TFB1M: variants seen among roughly 807,000 people sequenced by gnomAD.
TFB1M encodes the protein dimethyladenosine transferase 1, mitochondrial.
TFB1M carries 27 observed loss-of-function variants against 31.1 expected under a neutral mutation model. The observed-to-expected ratio is 0.87, with a 90% CI of 0.64 to 1.20. TFB1M has a LOEUF of 1.20. Among genes scored for constraint, TFB1M ranks in the 50% most tolerant of loss-of-function variants. TFB1M has a pLI of 0.00. For missense variants in TFB1M, 394 were observed against 418.7 expected (o/e 0.94, Z 0.51); for synonymous variants, 166 against 151.8 (o/e 1.09, Z -0.69).
At chr6:155,268,951 AAAAAAAAAAGAAAAAAG>A (rs1199920812) in intron 5 of TFB1M, among the ~76,000 whole-genome samples, 3 of 144,756 alleles carry the variant, frequency 2.1e-5, no homozygotes, top group Non-Finnish European at 4.5e-5. Flanking sequence ...TCAATTAAAA[AAAAAAAAAAGAAAAAAG>A]AAAAAAAATT....
intron 4 of TFB1M, among the ~76,000 whole-genome samples, chr6:155,286,407 T>G (rs1776629247): frequency 6.6e-6 from 1 of 151,292 alleles, no homozygotes. Flanking sequence ...TGTATATACA[T>G]CTTTCTAAAA....
the TFB1M span, chr6:155,244,795 A>T: frequency 6.3e-7 from 1 of 1,594,426 alleles, no homozygotes; most frequent in Non-Finnish European, 8.5e-7. Flanking sequence ...TAAGTATCTC[A>T]GATTTAGGCT....
At chr6:155,242,392 A>C in the TFB1M span, among the ~76,000 whole-genome samples, 1 of 152,102 alleles carries the variant, frequency 6.6e-6, no homozygotes, top group Non-Finnish European at 1.5e-5. Flanking sequence ...GAAATTTTTG[A>C]CATCTATGTG....
At chr6:155,234,879 CAG>C in the TFB1M span, among the ~76,000 whole-genome samples, 1 of 152,222 alleles carries the variant, frequency 6.6e-6, no homozygotes, top group Non-Finnish European at 1.5e-5. Context: ...ACATGGGAGG[CAG>C]AGGCAGCAGG....
intron 2 of TFB1M, among the ~76,000 whole-genome samples, chr6:155,306,774 T>G (rs954973050): frequency 6.6e-6 from 1 of 152,298 alleles, no homozygotes; most frequent in South Asian, 2.1e-4. Context: ...CTGAGGACGA[T>G]GAGTGTTTAT....
At chr6:155,303,614 A>C (rs1213262475) in intron 2 of TFB1M, 1 of 152,230 alleles carries the variant, frequency 6.6e-6, no homozygotes, top group Non-Finnish European at 1.5e-5. Context: ...ATAGCAAGGA[A>C]GGCAATCTTC....
rs1784010563 is a variant in TFB1M, at chr6:155,256,185, C to A, written c.*1651G>T. The A allele has an allele frequency of 9.2e-6, 5 of 543,206 alleles. No individual in the cohort carries two copies. The highest frequency in any genetic ancestry group is 2.5e-5 in the South Asian group (1 of 40,414). 33.6% of individuals were successfully genotyped at this position (543,206 alleles called of 1,614,324 possible). A position where few individuals can be genotyped will look rare whatever the true frequency, so the allele number is the denominator to read the frequency against. Reference sequence around the variant, plus strand: ...TTACCAATTAACTTTTCAACTTACTCCTTGGCAAAATAAGAATCTTAGCCC... The same window carrying A: ...TTACCAATTAACTTTTCAACTTACTACTTGGCAAAATAAGAATCTTAGCCC... On this transcript the variant is annotated 3_prime_UTR_variant, in exon 7 of 7. Coordinates refer to ENST00000367166, the MANE Select transcript of TFB1M (RefSeq NM_016020.4).
At chr6:155,283,587 A>C (rs1029018912) in intron 5 of TFB1M, among the ~76,000 whole-genome samples, 22 of 152,168 alleles carry the variant, frequency 1.4e-4, no homozygotes, top group African/African-American at 5.3e-4. Flanking sequence ...TAACTTCGAA[A>C]CTCCATCAAA....
At chr6:155,237,115 TGG>T in the TFB1M span, among the ~76,000 whole-genome samples, 1 of 152,164 alleles carries the variant, frequency 6.6e-6, no homozygotes. Context: ...CTAGATACAA[TGG>T]GGGTACAGGC....
chr6:155,244,536 T>C, the TFB1M span: 2 of 1,236,378 alleles, frequency 1.6e-6, no homozygotes, highest in East Asian at 2.4e-5. Context: ...CTTAAAGGAT[T>C]TACTTTCTGT....
intron 5 of TFB1M, among the ~76,000 whole-genome samples, chr6:155,280,550 G>A (rs1785447783): frequency 6.6e-6 from 1 of 152,102 alleles, no homozygotes; most frequent in Non-Finnish European, 1.5e-5. Context: ...CCCTTCTCCT[G>A]AGGGCCCTTG....
chr6:155,254,191 C>A, downstream of TFB1M: 3 of 1,058,750 alleles, frequency 2.8e-6, no homozygotes, highest in Non-Finnish European at 4.1e-6. Flanking sequence ...CCGAAAAAGG[C>A]AACTGAGGCC....
chr6:155,282,586 C>A (rs324351), intron 5 of TFB1M, among the ~76,000 whole-genome samples: 2 of 152,130 alleles, frequency 1.3e-5, no homozygotes, highest in Non-Finnish European at 2.9e-5. Flanking sequence ...CTATTTTTAG[C>A]GCTTAGCTTA....
the TFB1M span, among the ~76,000 whole-genome samples, chr6:155,230,277 C>T: frequency 6.6e-6 from 1 of 152,234 alleles, no homozygotes; most frequent in Admixed American, 6.5e-5. Flanking sequence ...TCCTAACTCG[C>T]ACCTGCCAGA....
the TFB1M span, among the ~76,000 whole-genome samples, chr6:155,243,340 C>A: frequency 4.6e-5 from 7 of 152,248 alleles, no homozygotes; most frequent in East Asian, 1.4e-3. Context: ...CTGGGGTGCA[C>A]CTGACACCAG....
intron 2 of TFB1M, among the ~76,000 whole-genome samples, chr6:155,306,037 A>G (rs1277134134): frequency 1.3e-5 from 2 of 152,038 alleles, no homozygotes; most frequent in Non-Finnish European, 2.9e-5. Context: ...TAAAAGTACT[A>G]AAAATATTTG....
intron 4 of TFB1M, among the ~76,000 whole-genome samples, chr6:155,294,485 T>C (rs1282895998): frequency 6.6e-6 from 1 of 152,016 alleles, no homozygotes; most frequent in African/African-American, 2.4e-5. Flanking sequence ...AGGAAAAAGA[T>C]AAGCAACCCA....
At chr6:155,307,721 T>C (rs1582884801) in intron 2 of TFB1M, among the ~76,000 whole-genome samples, 1 of 152,296 alleles carries the variant, frequency 6.6e-6, no homozygotes, top group African/African-American at 2.4e-5. Flanking sequence ...TGCAATCTTT[T>C]GGCTTCCCTC....
chr6:155,276,004 C>A (rs1182297596), intron 5 of TFB1M: 1 of 1,614,176 alleles, frequency 6.2e-7, no homozygotes, highest in East Asian at 2.2e-5. Context: ...CTTTGGGGAT[C>A]TGCACTTCCA....
Sources: allele counts gnomAD v4.1 joint callset (sites outside exome capture counted in the v4.1 genomes callset), GRCh38; gene constraint gnomAD v4.1.1; transcripts MANE v1.5; gene names NCBI Gene and HGNC (gene_info 2026-07-23, HGNC 2026-07-21).